The following PAM variants were observed in gnomAD, a reference collection of about 807,000 sequenced individuals.
PAM encodes peptidyl-glycine alpha-amidating monooxygenase.
Under a neutral mutation model 122.1 loss-of-function variants are expected in PAM, and 72 were observed. The ratio of observed to expected loss-of-function variants is 0.59; its 90% CI spans 0.49 to 0.72. PAM has a LOEUF of 0.72. Ranked by LOEUF, PAM falls within the 30% of genes least tolerant of loss-of-function variation. The pLI is 0.00. For synonymous variants in PAM, 389 were observed against 404.4 expected (o/e 0.96, Z 0.46); for missense variants, 1,106 against 1,183.7 (o/e 0.93, Z 0.96).
chr5:102,839,531 A>C (rs924733141), intron 1 of PAM, among the ~76,000 whole-genome samples: 2 of 133,878 alleles, frequency 1.5e-5, no homozygotes, highest in Admixed American at 7.4e-5. Flanking sequence ...AGCAAGGCTC[A>C]GTCTCAAAAA....
intron 11 of PAM, 94 bp from the exon 12 acceptor site, chr5:102,950,623 G>T (rs1758549835): frequency 1.4e-6 from 1 of 734,750 alleles, no homozygotes; most frequent in Non-Finnish European, 2.4e-6. Flanking sequence ...CTCAAAAAAG[G>T]GGTAAAGGAG....
Position 102,960,008 on chromosome 5 carries a change from A to C in PAM, c.1039A>C (p.Ile347Leu). 6.2e-7 allele frequency: 1 copy of C among 1,612,202 alleles called. No homozygotes were observed. The part of the protein sequence containing the change: ...MFRTIPPEAN[I>L]PIPVKSDMVM... Reference sequence around the variant, plus strand: ...CAGAACCATACCACCAGAGGCCAACATTCCAATTCCCGTGAAGTCTGATAT... The same window carrying C: ...CAGAACCATACCACCAGAGGCCAACCTTCCAATTCCCGTGAAGTCTGATAT... The change falls in exon 13 of 26, where the codon ATT (isoleucine) becomes CTT (leucine). Residue 347 changes from isoleucine (I) to leucine (L), a missense_variant. Physicochemically the swap from Ile to Leu is conservative, Grantham distance 5. This residue lies in a region of PAM where 670 missense variants were observed against 690.3 expected (regional missense o/e 0.97). Coordinates refer to ENST00000438793, the MANE Select transcript of PAM (RefSeq NM_001177306.2).
chr5:102,947,724 G>A (rs1389773203), intron 8 of PAM, among the ~76,000 whole-genome samples: 2 of 152,126 alleles, frequency 1.3e-5, no homozygotes, highest in African/African-American at 4.8e-5. Context: ...ACTTCTTTTA[G>A]CCCACATTAA....
chr5:102,784,940 A>C (rs917678882), intron 1 of PAM, among the ~76,000 whole-genome samples: 27 of 152,268 alleles, frequency 1.8e-4, no homozygotes, highest in African/African-American at 6.3e-4. Flanking sequence ...TCCATACTTT[A>C]GGAAATCAGA....
intron 14 of PAM, among the ~76,000 whole-genome samples, chr5:102,967,758 C>G (rs1350526056): frequency 6.7e-6 from 1 of 150,154 alleles, no homozygotes; most frequent in Non-Finnish European, 1.5e-5. Context: ...CACTGTCGCC[C>G]AGGCTGGAGT....
chr5:102,868,716 C>G (rs1399457736), intron 3 of PAM, among the ~76,000 whole-genome samples: 1 of 152,064 alleles, frequency 6.6e-6, no homozygotes, highest in Non-Finnish European at 1.5e-5. Flanking sequence ...GGTTTTCAAG[C>G]ACTCTTTCCC....
At chr5:102,993,365 G>A (rs1582669786) in intron 16 of PAM, among the ~76,000 whole-genome samples, 1 of 151,974 alleles carries the variant, frequency 6.6e-6, no homozygotes, top group African/African-American at 2.4e-5. Context: ...TCTTAAAATC[G>A]CCACCCCACT....
chr5:102,927,994 T>A (rs1750185120), intron 7 of PAM, among the ~76,000 whole-genome samples: 1 of 152,174 alleles, frequency 6.6e-6, no homozygotes, highest in South Asian at 2.1e-4. Context: ...AGACAGAGAT[T>A]ATCTGCTCTA....
At chr5:102,955,608 C>T (rs1292507009) in intron 12 of PAM, among the ~76,000 whole-genome samples, 1 of 151,980 alleles carries the variant, frequency 6.6e-6, no homozygotes, top group African/African-American at 2.4e-5. Context: ...ATCACATAAG[C>T]ACTTTATTAT....
At chr5:102,921,190 G>A (rs549384231) in intron 5 of PAM, among the ~76,000 whole-genome samples, 2 of 152,210 alleles carry the variant, frequency 1.3e-5, no homozygotes, top group African/African-American at 4.8e-5. Flanking sequence ...CTGCTAGAAT[G>A]ATAAGAAAAA....
chr5:102,939,255 C>T (rs1754283735), intron 7 of PAM, among the ~76,000 whole-genome samples: 1 of 152,058 alleles, frequency 6.6e-6, no homozygotes, highest in Non-Finnish European at 1.5e-5. Context: ...AACCCTTCAC[C>T]TTATCTCCAT....
intron 1 of PAM, among the ~76,000 whole-genome samples, chr5:102,770,251 T>C (rs1755364363): frequency 6.6e-6 from 1 of 152,140 alleles, no homozygotes. Flanking sequence ...GTTTATTAGA[T>C]CTATTAGTTT....
intron 4 of PAM, among the ~76,000 whole-genome samples, chr5:102,911,545 GATTA>G (rs1451524055): frequency 1.3e-5 from 2 of 151,892 alleles, no homozygotes; most frequent in African/African-American, 4.8e-5. Flanking sequence ...TTTATACTTT[GATTA>G]ATTAAGATTT....
At chr5:103,016,273 T>C (rs1423733376) in intron 21 of PAM, among the ~76,000 whole-genome samples, 1 of 152,236 alleles carries the variant, frequency 6.6e-6, no homozygotes, top group Non-Finnish European at 1.5e-5. Context: ...CATGTATTCT[T>C]CTGCCCCGCC....
intron 3 of PAM, among the ~76,000 whole-genome samples, chr5:102,871,771 A>AT (rs1251373177): frequency 1.4e-5 from 2 of 147,498 alleles, no homozygotes; most frequent in Non-Finnish European, 3.0e-5. Flanking sequence ...ATAAGCCTTG[A>AT]TTTTTTTTCA....
At chr5:102,879,000 T>G (rs1790106513) in intron 3 of PAM, among the ~76,000 whole-genome samples, 1 of 152,018 alleles carries the variant, frequency 6.6e-6, no homozygotes, top group South Asian at 2.1e-4. Context: ...AAGATCTACG[T>G]TCACTGCAAG....
rs1354082143 is a variant in PAM at position 102,901,411 on chromosome 5, T to C, written c.266T>C (p.Val89Ala). The C allele has an allele frequency of 6.5e-7, 1 of 1,540,092 alleles. No individual in the cohort carries two copies. Residue 89 changes from valine to alanine, a missense_variant and splice_region_variant, in exon 4 of 26, where the codon GTG (valine) becomes GCG (alanine). Around this residue, in one of 3 missense-constraint regions of PAM, gnomAD observed 670 missense variants for 690.3 expected, o/e 0.97. Coordinates refer to ENST00000438793, the MANE Select transcript of PAM (RefSeq NM_001177306.2). ...MRIPVDEEAF[V>A]IDFKPRASMD... is the part of the protein sequence containing the mutation. The stretch of plus-strand genomic sequence containing the variant: ...ATACCAGTGGATGAGGAAGCCTTCG[T>C]GAGTAAGTATTAATTGGATTGGGGG...
intron 1 of PAM, among the ~76,000 whole-genome samples, chr5:102,832,732 G>T (rs887509202): frequency 2.0e-5 from 3 of 151,952 alleles, no homozygotes; most frequent in African/African-American, 7.2e-5. Context: ...TTTCCTGAAA[G>T]AACTAGTTGG....
intron 1 of PAM, among the ~76,000 whole-genome samples, chr5:102,839,480 T>A (rs1297831862): frequency 6.9e-6 from 1 of 145,082 alleles, no homozygotes; most frequent in Non-Finnish European, 1.5e-5. Context: ...GAGGTTGCAG[T>A]GAGCCAAGAT....
Sources: allele counts gnomAD v4.1 joint callset (sites outside exome capture counted in the v4.1 genomes callset), GRCh38; gene constraint gnomAD v4.1.1; regional missense constraint gnomAD v4.1.1; transcripts MANE v1.5; gene names NCBI Gene and HGNC (gene_info 2026-07-23, HGNC 2026-07-21).